Variants in GLRX3 observed in about 807,000 individuals in gnomAD.
The protein encoded by GLRX3 is glutaredoxin-3.
Under a neutral mutation model 49.5 loss-of-function variants are expected in GLRX3, and 22 were observed. That is an observed-to-expected ratio of 0.44 (90% CI 0.32 to 0.63). The LOEUF (loss-of-function observed/expected upper bound fraction) is 0.63. GLRX3 is among the 30% of genes least tolerant of loss of function. The pLI is 0.05. For synonymous variants in GLRX3, 133 were observed against 140.0 expected (o/e 0.95, Z 0.35); for missense variants, 385 against 396.3 (o/e 0.97, Z 0.24).
At chr10:130,146,288 A>G (rs1025057358) in intron 2 of GLRX3, among the ~76,000 whole-genome samples, 4 of 152,164 alleles carry the variant, frequency 2.6e-5, no homozygotes, top group Non-Finnish European at 5.9e-5. Context: ...TAATTCAGGA[A>G]GGGGTATGTA....
chr10:130,149,186 A>T lies in GLRX3; in HGVS notation c.201+3867A>T, dbSNP rs537056638. On this transcript the variant is annotated intron_variant, in intron 2 of 10. Coordinates refer to ENST00000331244, the MANE Select transcript of GLRX3 (RefSeq NM_006541.5). The stretch of plus-strand genomic sequence containing the variant: ...CTGGGCTCCGTCCTGAGTTTGTCAC[A>T]CCTCCTAGGGCCCAGAGGAGATGAT... 3.9e-5 allele frequency among the ~76,000 whole-genome samples: 6 copies of T among 152,156 alleles called. No homozygotes were observed. The South Asian group carries it at 1.2e-3, about 32-fold the overall frequency.
chr10:130,169,364 C>CA, intron 6 of GLRX3, 69 bp from the exon 7 acceptor site: 1 of 919,798 alleles, frequency 1.1e-6, no homozygotes, highest in Non-Finnish European at 1.8e-6. Context: ...GCATGTTACT[C>CA]ACGAAGCGGA....
At chr10:130,169,547 C>A in intron 7 of GLRX3, 57 bp downstream of exon 7, 1 of 1,065,902 alleles carries the variant, frequency 9.4e-7, no homozygotes, top group Non-Finnish European at 1.5e-6. Context: ...ACATCTGCAA[C>A]AAGGGGACAG....
chr10:130,175,446 G>C (rs1016982296), intron 10 of GLRX3, among the ~76,000 whole-genome samples: 1 of 152,228 alleles, frequency 6.6e-6, no homozygotes, highest in Non-Finnish European at 1.5e-5. Flanking sequence ...AGTGACAGCA[G>C]TGTGAGGCCT....
At chr10:130,173,711 C>T (rs1197381034) in intron 8 of GLRX3, among the ~76,000 whole-genome samples, 1 of 152,118 alleles carries the variant, frequency 6.6e-6, no homozygotes, top group Non-Finnish European at 1.5e-5. Context: ...ACCTTTAGTT[C>T]AACTTGAACA....
chr10:130,157,673 A>G (rs568567344), intron 2 of GLRX3, among the ~76,000 whole-genome samples: 1 of 151,850 alleles, frequency 6.6e-6, no homozygotes, highest in South Asian at 2.1e-4. Flanking sequence ...TAAACCAACC[A>G]TTGCACCTCC....
At chr10:130,165,841 T>C (rs964606948) in intron 4 of GLRX3, among the ~76,000 whole-genome samples, 1 of 152,208 alleles carries the variant, frequency 6.6e-6, no homozygotes, top group Non-Finnish European at 1.5e-5. Flanking sequence ...CCAGAATTGA[T>C]TCTCATAGAT....
intron 2 of GLRX3, among the ~76,000 whole-genome samples, chr10:130,151,573 C>T (rs978540082): frequency 2.0e-5 from 3 of 152,006 alleles, no homozygotes; most frequent in Admixed American, 6.6e-5. Flanking sequence ...TCCCTGTGTC[C>T]ATGTGTTCTC....
chr10:130,154,358 C>G (rs912309112), intron 2 of GLRX3, among the ~76,000 whole-genome samples: 1 of 152,176 alleles, frequency 6.6e-6, no homozygotes, highest in African/African-American at 2.4e-5. Flanking sequence ...CCAACCAGTC[C>G]CAATAAGATG....
At chr10:130,176,363 G>A (rs1441067329) in intron 10 of GLRX3, among the ~76,000 whole-genome samples, 1 of 152,046 alleles carries the variant, frequency 6.6e-6, no homozygotes, top group Non-Finnish European at 1.5e-5. Flanking sequence ...CAGGTGATCC[G>A]CCCACCTTGG....
intron 2 of GLRX3, among the ~76,000 whole-genome samples, chr10:130,157,636 T>G (rs2134897145): frequency 1.3e-5 from 2 of 151,570 alleles, no homozygotes; most frequent in South Asian, 4.2e-4. Context: ...TGTCTGGGTA[T>G]CTCTTAACCC....
At chr10:130,154,775 C>T (rs145938605) in intron 2 of GLRX3, among the ~76,000 whole-genome samples, 20 of 152,114 alleles carry the variant, frequency 1.3e-4, no homozygotes, top group Middle Eastern at 3.4e-3. Flanking sequence ...CACTAAATGC[C>T]GCACAGTAGT....
chr10:130,157,493 G>GCAC (rs1862496315), intron 2 of GLRX3, among the ~76,000 whole-genome samples: 1 of 5,974 alleles, frequency 1.7e-4, no homozygotes, highest in African/African-American at 3.1e-4. Flanking sequence ...GGTGGCCGCC[G>GCAC]CCCCCCCCCC....
chr10:130,171,531 T>C, intron 7 of GLRX3, 53 bp from the exon 8 acceptor site: 1 of 946,908 alleles, frequency 1.1e-6, no homozygotes, highest in Non-Finnish European at 1.8e-6. Flanking sequence ...GGTACAACCA[T>C]GCTGCTTGGG....
At chr10:130,160,717 G>T (rs1005273142) in intron 3 of GLRX3, 79 bp from the exon 4 acceptor site, 1 of 819,032 alleles carries the variant, frequency 1.2e-6, no homozygotes, top group Non-Finnish European at 2.1e-6. Flanking sequence ...TAATACTGTT[G>T]TCCCCTTTAA....
chr10:130,145,941 A>G (rs1235227079), intron 2 of GLRX3, among the ~76,000 whole-genome samples: 4 of 151,968 alleles, frequency 2.6e-5, no homozygotes, highest in Non-Finnish European at 5.9e-5. Context: ...CTACAGGCAC[A>G]TGCCACCACA....
Position 130,179,549 on chromosome 10 carries a change from ATG to A in GLRX3, c.*159_*160del. 3.4e-6 allele frequency: 2 copies of A among 595,694 alleles called. No individual in the cohort carries two copies. The highest frequency in any genetic ancestry group is 4.1e-5 in the South Asian group (2 of 48,878). The allele number at this position is 595,694 out of a possible 1,614,324, so 36.9% of individuals were successfully genotyped here. A position where few individuals can be genotyped will look rare whatever the true frequency, so the allele number is the denominator to read the frequency against. Reference sequence around the variant, plus strand: ...TCACAATGTCGTGCTAAATAAATGTATGTTACATTTTTTTCCCACCAAAAATA... The same window carrying A: ...TCACAATGTCGTGCTAAATAAATGTATTACATTTTTTTCCCACCAAAAATA... On this transcript the variant is annotated 3_prime_UTR_variant, in exon 11 of 11. Coordinates refer to ENST00000331244, the MANE Select transcript of GLRX3 (RefSeq NM_006541.5).
intron 1 of GLRX3, among the ~76,000 whole-genome samples, chr10:130,142,339 A>G (rs1160782868): frequency 6.6e-6 from 1 of 151,872 alleles, no homozygotes; most frequent in Non-Finnish European, 1.5e-5. Context: ...CTCTCCCAAC[A>G]CTTACCATTT....
chr10:130,165,180 A>G (rs1262446738), intron 4 of GLRX3, among the ~76,000 whole-genome samples: 3 of 152,236 alleles, frequency 2.0e-5, no homozygotes, highest in East Asian at 1.9e-4. Context: ...GCTAAGTCTT[A>G]TAGAAATTTT....
Sources: gnomAD v4.1 joint callset for allele counts (sites outside exome capture counted in the v4.1 genomes callset) on GRCh38, gnomAD v4.1.1 for gene constraint, MANE v1.5 for transcripts, NCBI Gene and HGNC (gene_info 2026-07-23, HGNC 2026-07-21) for gene names.